REG4: variants seen among roughly 807,000 people sequenced by gnomAD.
REG4 encodes regenerating islet-derived protein 4.
REG4 carries 16 observed loss-of-function variants against 22.3 expected under a neutral mutation model. That is an observed-to-expected ratio of 0.72 (90% CI 0.49 to 1.09). The LOEUF (loss-of-function observed/expected upper bound fraction) is 1.09, where lower values mean the gene tolerates loss of function less well. Among genes scored for constraint, REG4 ranks in the 50% least tolerant of loss-of-function variants. REG4 has a pLI of 0.00. For missense variants in REG4, 214 were observed against 193.9 expected, an observed-to-expected ratio of 1.10 and a Z score of -0.61; for synonymous variants, 71 against 69.2, an observed-to-expected ratio of 1.03 and a Z score of -0.13.
At chr1:119,801,406 A>C (rs1352379435) in intron 3 of REG4, 3 of 152,240 alleles carry the variant, frequency 2.0e-5, no homozygotes, top group African/African-American at 4.8e-5. Flanking sequence ...AATTCTATTC[A>C]ATTCTCAGGC....
At chr1:119,810,186 A>G (rs1703554334) in intron 1 of REG4, among the ~76,000 whole-genome samples, 1 of 152,170 alleles carries the variant, frequency 6.6e-6, no homozygotes, top group African/African-American at 2.4e-5. Flanking sequence ...TTTTAAATTT[A>G]TATCAAAAGA....
chr1:119,809,071 A>T (rs747744952), intron 1 of REG4: 25 of 280,186 alleles, frequency 8.9e-5, no homozygotes, highest in Non-Finnish European at 1.3e-4. Flanking sequence ...TAACTATAGC[A>T]GGCTGAACAG....
intron 3 of REG4, chr1:119,801,375 C>G (rs1192163031): frequency 2.0e-5 from 3 of 152,334 alleles, no homozygotes; most frequent in South Asian, 4.1e-4. Context: ...ACTTACAATA[C>G]CAGCATGCTT....
At chr1:119,803,257 T>C in intron 2 of REG4, 92 bp from the exon 3 acceptor site, 1 of 1,321,824 alleles carries the variant, frequency 7.6e-7, no homozygotes. Context: ...ACCCCTTGAA[T>C]GAAGAGAGTC....
At chr1:119,801,884 G>A (rs1458792550) in intron 3 of REG4, 1 of 152,240 alleles carries the variant, frequency 6.6e-6, no homozygotes, top group East Asian at 1.9e-4. Context: ...TGTGGCATAG[G>A]CTTTATGCGA....
chr1:119,798,165 G>A (rs1653986263), intron 5 of REG4, among the ~76,000 whole-genome samples: 1 of 152,180 alleles, frequency 6.6e-6, no homozygotes, highest in South Asian at 2.1e-4. Flanking sequence ...TGTGGTCTGG[G>A]CTTCCCAAAA....
At position 119,802,951 on chromosome 1, in the gene REG4, G is replaced by C. The variant is rs587688948; in HGVS notation, c.165+117C>G. On this transcript the variant is annotated intron_variant, in intron 3 of 5. Coordinates refer to ENST00000256585, the MANE Select transcript of REG4 (RefSeq NM_032044.4). ...CTTCTCTCCATTTCACCAGCCAAAG[G>C]GGCTTCTCTTCATAGTGCCCAGGAA... 5.1e-6 allele frequency: 8 copies of C among 1,567,616 alleles called. No homozygotes were observed. In the South Asian group the frequency reaches 9.3e-5, roughly 18 times the overall value.
intron 1 of REG4, among the ~76,000 whole-genome samples, chr1:119,811,195 C>T (rs587719876): frequency 6.6e-6 from 1 of 152,270 alleles, no homozygotes; most frequent in Admixed American, 6.5e-5. Context: ...ACTGCAGAGC[C>T]AAGATTTAAC....
At chr1:119,799,211 G>C (rs1377475588) in intron 4 of REG4, among the ~76,000 whole-genome samples, 1 of 151,780 alleles carries the variant, frequency 6.6e-6, no homozygotes, top group East Asian at 1.9e-4. Flanking sequence ...TCAACCAGCT[G>C]TTCCTTACAA....
chr1:119,799,640 G>T, intron 4 of REG4, 85 bp downstream of exon 4: 1 of 1,535,972 alleles, frequency 6.5e-7, no homozygotes, highest in Non-Finnish European at 8.9e-7. Flanking sequence ...CTGTGTCCTT[G>T]TTATAGGCCG....
chr1:119,804,997 G>C (rs1654252707), intron 2 of REG4, among the ~76,000 whole-genome samples: 1 of 152,116 alleles, frequency 6.6e-6, no homozygotes, highest in Admixed American at 6.6e-5. Flanking sequence ...GCTCAGGATG[G>C]TCATCTGCCC....
intron 1 of REG4, 112 bp from the exon 2 acceptor site, chr1:119,808,975 G>A (rs964633773): frequency 4.8e-5 from 24 of 503,010 alleles, no homozygotes; most frequent in African/African-American, 4.4e-4. Flanking sequence ...TATAATGAAG[G>A]GAATCTCAAG....
At chr1:119,799,699 G>C in intron 4 of REG4, 26 bp downstream of exon 4, 3 of 1,606,836 alleles carry the variant, frequency 1.9e-6, no homozygotes, top group Non-Finnish European at 2.6e-6. Flanking sequence ...TCCCAAGAGG[G>C]CCTTTGTGGC....
chr1:119,802,806 T>A (rs1210350218), intron 3 of REG4: 1 of 1,496,072 alleles, frequency 6.7e-7, no homozygotes, highest in East Asian at 2.5e-5. Flanking sequence ...ACAGTGAGCT[T>A]GCTGAGGGTA....
chr1:119,802,951 G>T lies in REG4; in HGVS notation c.165+117C>A, dbSNP rs587688948. ...CTTCTCTCCATTTCACCAGCCAAAGGGGCTTCTCTTCATAGTGCCCAGGAA... is the reference window on the plus strand; with the variant it reads ...CTTCTCTCCATTTCACCAGCCAAAGTGGCTTCTCTTCATAGTGCCCAGGAA... On this transcript the variant is annotated intron_variant, in intron 3 of 5. Transcript: ENST00000256585. 9.6e-6 allele frequency: 15 copies of T among 1,567,616 alleles called. No individual in the cohort carries two copies. In the African/African-American group the frequency reaches 1.6e-4, roughly 17 times the overall value.
In REG4 at chr1:119,794,675, A is replaced by G; in HGVS notation, c.420T>C (p.Thr140=). The change falls in exon 6 of 6, where the codon ACT becomes ACC. Residue 140 remains threonine, a synonymous_variant. Transcript: ENST00000256585. The stretch of plus-strand genomic sequence containing the variant: ...GCTTGTTGCATTCGTTGCTGCTCCA[A>G]GTTAAAAAGTCTGTAAGAAAATAAA... ...AEMSSNNNFL[T]WSSNECNKRQ... 3.1e-6 allele frequency: 5 copies of G among 1,614,086 alleles called. No individual in the cohort carries two copies. Among genetic ancestry groups the G allele is most frequent in the African/African-American group, 1.3e-5 (1 of 75,066 alleles).
At chr1:119,798,664 G>A (rs1290251551) in intron 4 of REG4, 62 bp from the exon 5 acceptor site, 17 of 1,120,058 alleles carry the variant, frequency 1.5e-5, no homozygotes. Context: ...AGCCAAGGAA[G>A]TCCCCTCAGT....
At position 119,799,634 on chromosome 1, in the gene REG4, G is replaced by A. The variant is rs987741571; in HGVS notation, c.303+91C>T. The A allele has an allele frequency of 7.3e-6, 11 of 1,511,922 alleles. No homozygotes were observed. The African/African-American group carries it at 1.4e-4, about 19-fold the overall frequency. 93.7% of individuals were successfully genotyped at this position (1,511,922 alleles called of 1,614,324 possible). A position where few individuals can be genotyped will look rare whatever the true frequency, so the allele number is the denominator to read the frequency against. On this transcript the variant is annotated intron_variant, in intron 4 of 5. Coordinates refer to ENST00000256585, the MANE Select transcript of REG4 (RefSeq NM_032044.4). ...CATCTGGAGAAGATCCACCCGCTGTGTCCTTGTTATAGGCCGGGAGGCCAT... is the reference window on the plus strand; with the variant it reads ...CATCTGGAGAAGATCCACCCGCTGTATCCTTGTTATAGGCCGGGAGGCCAT...
Position 119,794,275 on chromosome 1 carries a change from T to C in REG4, c.*343A>G, listed in dbSNP as rs1053159946. 7 of 559,364 alleles carry C rather than the reference T, an allele frequency of 1.3e-5. No homozygotes were observed. The highest frequency in any genetic ancestry group is 2.2e-5 in the Non-Finnish European group (6 of 278,626). The allele number at this position is 559,364 out of a possible 1,614,324, so 34.7% of individuals were successfully genotyped here. ...GGGTCTAGAAGCTTACTCCTGAGTT[T>C]CTTCCTTCTGTCTTCAAATCTTTAC... On this transcript the variant is annotated 3_prime_UTR_variant, in exon 6 of 6. Transcript: ENST00000256585.
Sources: allele counts gnomAD v4.1 joint callset (sites outside exome capture counted in the v4.1 genomes callset), GRCh38; gene constraint gnomAD v4.1.1; transcripts MANE v1.5; gene names NCBI Gene and HGNC (gene_info 2026-07-23, HGNC 2026-07-21).